Variants in ZNF385D observed in about 807,000 individuals in gnomAD.
The protein encoded by ZNF385D is zinc finger protein 659.
Under a neutral mutation model 35.8 loss-of-function variants are expected in ZNF385D, and 15 were observed. The observed-to-expected ratio is 0.42, with a 90% CI of 0.28 to 0.64. The LOEUF (loss-of-function observed/expected upper bound fraction) is 0.64. Ranked by LOEUF, ZNF385D falls within the 30% of genes least tolerant of loss-of-function variation. The pLI is 0.23. For synonymous variants in ZNF385D, 212 were observed against 186.8 expected, an observed-to-expected ratio of 1.13 and a Z score of -1.10; for missense variants, 474 against 494.6, an observed-to-expected ratio of 0.96 and a Z score of 0.39.
intron 3 of ZNF385D, among the ~76,000 whole-genome samples, chr3:21,945,142 A>G (rs148123040): frequency 0.021 from 2,872 of 137,460 alleles, 62 homozygotes; most frequent in Non-Finnish European, 0.024. Context: ...ATATATGTAT[A>G]TGCATATATA....
chr3:22,046,297 T>C (rs1699003324), intron 3 of ZNF385D, among the ~76,000 whole-genome samples: 1 of 147,472 alleles, frequency 6.8e-6, no homozygotes, highest in African/African-American at 2.7e-5. Context: ...TCATTAACCA[T>C]ATGTTACCAG....
At chr3:22,192,110 C>G (rs1449483888) in intron 2 of ZNF385D, among the ~76,000 whole-genome samples, 3 of 152,116 alleles carry the variant, frequency 2.0e-5, no homozygotes, top group Non-Finnish European at 4.4e-5. Flanking sequence ...TGTCCCTAAC[C>G]TCAGGGTTTA....
intron 2 of ZNF385D, among the ~76,000 whole-genome samples, chr3:22,200,714 CA>C (rs1365912920): frequency 6.6e-6 from 1 of 152,084 alleles, no homozygotes; most frequent in Non-Finnish European, 1.5e-5. Flanking sequence ...CTACAGTCTA[CA>C]GGCCATAAAA....
intron 3 of ZNF385D, among the ~76,000 whole-genome samples, chr3:22,119,012 T>C (rs1264394896): frequency 6.6e-6 from 1 of 152,140 alleles, no homozygotes; most frequent in Non-Finnish European, 1.5e-5. Context: ...TACTGTTTTT[T>C]CAGGGATTAC....
chr3:22,351,183 GC>G, intron 2 of ZNF385D, among the ~76,000 whole-genome samples: 1 of 152,058 alleles, frequency 6.6e-6, no homozygotes, highest in Admixed American at 6.5e-5. Context: ...TTATAGGAAT[GC>G]AAAGTAGCCA....
intron 2 of ZNF385D, among the ~76,000 whole-genome samples, chr3:22,178,432 GT>G (rs1049797280): frequency 2.0e-5 from 3 of 152,122 alleles, no homozygotes; most frequent in South Asian, 4.1e-4. Context: ...TGATGGGGTT[GT>G]TTTTTTCTTG....
chr3:21,996,942 C>T (rs1222462587), intron 3 of ZNF385D, among the ~76,000 whole-genome samples: 1 of 152,026 alleles, frequency 6.6e-6, no homozygotes, highest in Admixed American at 6.5e-5. Context: ...GAGTTTGTTT[C>T]CAAACGACAA....
chr3:22,258,180 C>G (rs1166110466), intron 2 of ZNF385D, among the ~76,000 whole-genome samples: 1 of 151,572 alleles, frequency 6.6e-6, no homozygotes, highest in Non-Finnish European at 1.5e-5. Flanking sequence ...GGAAATTTTG[C>G]CCCCAAAAAG....
At chr3:22,128,454 T>C (rs946515252) in intron 3 of ZNF385D, among the ~76,000 whole-genome samples, 8 of 152,318 alleles carry the variant, frequency 5.3e-5, no homozygotes, top group African/African-American at 1.7e-4. Context: ...AAGTTCTCTG[T>C]TGTCTCTCTG....
At chr3:21,862,716 G>T (rs772405310) in intron 3 of ZNF385D, among the ~76,000 whole-genome samples, 3 of 152,166 alleles carry the variant, frequency 2.0e-5, no homozygotes, top group Non-Finnish European at 2.9e-5. Flanking sequence ...CCAGCAGCTA[G>T]CTGTGCCTCC....
At chr3:21,862,960 A>G (rs563646624) in intron 3 of ZNF385D, among the ~76,000 whole-genome samples, 29 of 152,270 alleles carry the variant, frequency 1.9e-4, no homozygotes, top group African/African-American at 6.7e-4. Context: ...TTAGTCTGAA[A>G]AGTCCACTTA....
chr3:21,917,471 T>G (rs1390282860), intron 3 of ZNF385D, among the ~76,000 whole-genome samples: 1 of 152,096 alleles, frequency 6.6e-6, no homozygotes, highest in Non-Finnish European at 1.5e-5. Context: ...CTAGAGAGAA[T>G]GGTGGTGCTT....
chr3:21,996,924 T>C lies in ZNF385D; in HGVS notation c.325+171893A>G, dbSNP rs371864573. Among the ~76,000 whole-genome samples, 5 of 152,316 alleles carry C rather than the reference T, an allele frequency of 3.3e-5. No homozygotes were observed. The South Asian group carries it at 6.2e-4, about 19-fold the overall frequency. ...TTATTCTGGCATCCTTGTCAACTGA[T>C]AGCAATTGAGTTTGTTTCCAAACGA... On this transcript the variant is annotated intron_variant, in intron 3 of 5. Transcript: ENST00000494108.
At chr3:21,479,150 GT>G (rs11435047) in intron 4 of ZNF385D, among the ~76,000 whole-genome samples, 29 of 147,106 alleles carry the variant, frequency 2.0e-4, no homozygotes, top group South Asian at 1.1e-3. Flanking sequence ...TAGAAGTATT[GT>G]TTTTTTTTTT....
chr3:22,173,149 A>G (rs1208024391), intron 2 of ZNF385D, among the ~76,000 whole-genome samples: 1 of 152,218 alleles, frequency 6.6e-6, no homozygotes, highest in Non-Finnish European at 1.5e-5. Context: ...CCAATATGCA[A>G]AACTGTCAAG....
chr3:21,966,412 C>T (rs557005571), intron 3 of ZNF385D, among the ~76,000 whole-genome samples: 1 of 152,314 alleles, frequency 6.6e-6, no homozygotes, highest in Admixed American at 6.5e-5. Context: ...GGTAAAGACG[C>T]ATTTGTGGCT....
chr3:21,866,510 A>G (rs1044031013), intron 3 of ZNF385D, among the ~76,000 whole-genome samples: 1 of 152,258 alleles, frequency 6.6e-6, no homozygotes, highest in Non-Finnish European at 1.5e-5. Flanking sequence ...ATCTACGGAT[A>G]TTGTTCTCAA....
At chr3:21,937,550 T>C (rs1445980650) in intron 3 of ZNF385D, among the ~76,000 whole-genome samples, 1 of 152,202 alleles carries the variant, frequency 6.6e-6, no homozygotes, top group Non-Finnish European at 1.5e-5. Flanking sequence ...TGTCCTTGAC[T>C]ATACTGAACT....
chr3:21,866,216 G>A (rs1697350247), intron 3 of ZNF385D, among the ~76,000 whole-genome samples: 1 of 152,020 alleles, frequency 6.6e-6, no homozygotes. Context: ...ACTTTGAGAG[G>A]CCGAGGCAGG....
Sources: gnomAD v4.1 joint callset for allele counts (sites outside exome capture counted in the v4.1 genomes callset) on GRCh38, gnomAD v4.1.1 for gene constraint, MANE v1.5 for transcripts, NCBI Gene and HGNC (gene_info 2026-07-23, HGNC 2026-07-21) for gene names.